UBE3B: variants seen among roughly 807,000 people sequenced by gnomAD.
UBE3B encodes the protein ubiquitin-protein ligase E3B.
UBE3B carries 80 observed loss-of-function variants against 132.3 expected under a neutral mutation model. That is an observed-to-expected ratio of 0.60 (90% confidence interval 0.50 to 0.73). The LOEUF (loss-of-function observed/expected upper bound fraction) is 0.73, where lower values mean the gene tolerates loss of function less well. Among genes scored for constraint, UBE3B ranks in the 30% least tolerant of loss-of-function variants. UBE3B has a pLI of 0.00. For synonymous variants in UBE3B, 487 were observed against 520.4 expected (o/e 0.94, Z 0.87); for missense variants, 1,196 against 1,362.5 (o/e 0.88, Z 1.92).
In UBE3B at chr12:109,530,077, GA is replaced by G; in HGVS notation, c.2810+6del. 2 of 1,612,696 alleles carry G rather than the reference GA, an allele frequency of 1.2e-6. 1 individual carries two copies. Among genetic ancestry groups the G allele is most frequent in the Non-Finnish European group, 1.7e-6 (2 of 1,178,920 alleles). ...GATTGATCTGGAAGATTTAAAGTAA[GA>G]GGCGGGTGGGGGGAAGGGTGAAATT... On this transcript the variant is annotated splice_donor_region_variant and intron_variant, in intron 25 of 27. Coordinates refer to ENST00000342494, the MANE Select transcript of UBE3B (RefSeq NM_130466.4).
intron 9 of UBE3B, among the ~76,000 whole-genome samples, chr12:109,496,143 C>T (rs1345119281): frequency 6.6e-6 from 1 of 152,250 alleles, no homozygotes; most frequent in Non-Finnish European, 1.5e-5. Context: ...TTGTGGACAT[C>T]TCACATAAAT....
chr12:109,505,673 C>G (rs568759308), intron 14 of UBE3B, among the ~76,000 whole-genome samples: 2 of 152,256 alleles, frequency 1.3e-5, no homozygotes, highest in Non-Finnish European at 2.9e-5. Flanking sequence ...TCTTTATAAC[C>G]ACATCCTCCT....
At chr12:109,517,233 C>G (rs1881178439) in intron 19 of UBE3B, among the ~76,000 whole-genome samples, 1 of 152,188 alleles carries the variant, frequency 6.6e-6, no homozygotes, top group East Asian at 1.9e-4. Flanking sequence ...CTCCATTTGT[C>G]CCAGCAGGCA....
At chr12:109,506,598 G>A (rs865870106) in intron 14 of UBE3B, among the ~76,000 whole-genome samples, 11 of 152,262 alleles carry the variant, frequency 7.2e-5, no homozygotes, top group African/African-American at 1.9e-4. Context: ...TGATCCACCC[G>A]CCTCAGCCTC....
intron 14 of UBE3B, among the ~76,000 whole-genome samples, chr12:109,503,488 A>G (rs1879258920): frequency 2.7e-5 from 4 of 150,430 alleles, no homozygotes. Context: ...TAGGGTTGCA[A>G]AAAAAAAAGG....
the UBE3B span, among the ~76,000 whole-genome samples, chr12:109,542,460 C>T: frequency 1.3e-5 from 2 of 152,184 alleles, no homozygotes; most frequent in South Asian, 2.1e-4. Context: ...CTATTAATCC[C>T]GTCCTCAAGA....
intron 9 of UBE3B, among the ~76,000 whole-genome samples, chr12:109,493,031 A>T (rs969270796): frequency 3.9e-5 from 6 of 152,190 alleles, no homozygotes; most frequent in African/African-American, 1.4e-4. Context: ...CACACAGAAG[A>T]ACAGGATGTA....
the UBE3B span, among the ~76,000 whole-genome samples, chr12:109,547,225 A>G: frequency 6.6e-6 from 1 of 152,236 alleles, no homozygotes; most frequent in Non-Finnish European, 1.5e-5. The surrounding 1 kb of genome is among the most constrained non-coding windows in gnomAD (Gnocchi z 4.1). Context: ...GGCAGTGATC[A>G]GGATTCAGAT....
rs1307047650 is a variant in UBE3B at position 109,483,718 on chromosome 12, G to A, written c.161+6G>A. 1 of 1,594,124 alleles carries A rather than the reference G, an allele frequency of 6.3e-7. No homozygotes were observed. The highest frequency in any genetic ancestry group is 8.5e-7 in the Non-Finnish European group (1 of 1,171,246). ...CGACTGCAGAGAGATATCAGGTAAGGGCTAGGATCTCCCTAGCACATGATT... is the reference window on the plus strand; with the variant it reads ...CGACTGCAGAGAGATATCAGGTAAGAGCTAGGATCTCCCTAGCACATGATT... On this transcript the variant is annotated splice_donor_region_variant and intron_variant, in intron 3 of 27. Coordinates refer to ENST00000342494, the MANE Select transcript of UBE3B (RefSeq NM_130466.4).
intron 5 of UBE3B, 65 bp downstream of exon 5, chr12:109,486,136 A>C: frequency 6.6e-7 from 1 of 1,509,294 alleles, no homozygotes; most frequent in Non-Finnish European, 8.9e-7. Context: ...GGGCTCTGAA[A>C]GTTCCTGTTG....
chr12:109,503,052 G>A lies in UBE3B; in HGVS notation c.1312G>A (p.Ala438Thr), dbSNP rs1438649548. 2 of 1,614,120 alleles carry A rather than the reference G, an allele frequency of 1.2e-6. No individual in the cohort carries two copies. Among genetic ancestry groups the A allele is most frequent in the Non-Finnish European group, 1.7e-6 (2 of 1,180,036 alleles). Residue 438 changes from alanine to threonine, a missense_variant, in exon 14 of 28, where the codon GCA becomes ACA. By Grantham distance (58) the Ala-to-Thr change is moderately conservative. Coordinates refer to ENST00000342494, the MANE Select transcript of UBE3B (RefSeq NM_130466.4). ...CCTAAAGCGTGCTTTTCAAAAGTCG[G>A]CATCAGTCCGGAATATTCTCAGGCC... ...SLLKRAFQKSASVRNILRPVG... is the reference protein window; with the variant it reads ...SLLKRAFQKSTSVRNILRPVG...
rs566412653 is a variant in UBE3B, at chr12:109,532,682, C to T, written c.2923-784C>T. ...CGAGCTAGCACATTTGCAGGAATAA[C>T]GCAGGGGCTGCCGCTTGGAGAACGC... is the stretch of plus-strand genomic sequence containing the variant. On this transcript the variant is annotated intron_variant, in intron 26 of 27. Coordinates refer to ENST00000342494, the MANE Select transcript of UBE3B (RefSeq NM_130466.4). Among the ~76,000 whole-genome samples the T allele has an allele frequency of 9.8e-5, 15 of 152,332 alleles. No individual in the cohort carries two copies. The East Asian group carries it at 2.3e-3, about 24-fold the overall frequency.
At chr12:109,484,514 C>T (rs1876048839) in intron 4 of UBE3B, among the ~76,000 whole-genome samples, 1 of 152,074 alleles carries the variant, frequency 6.6e-6, no homozygotes, top group Admixed American at 6.5e-5. Flanking sequence ...GCCTCAGCCT[C>T]CCTAGTATCT....
chr12:109,510,481 G>T lies in UBE3B; in HGVS notation c.1856+23G>T, dbSNP rs769137229. 7.6e-6 allele frequency: 12 copies of T among 1,587,746 alleles called. No homozygotes were observed. In the South Asian group the frequency reaches 1.2e-4, roughly 16 times the overall value. Reference sequence around the variant, plus strand: ...AAAGTGAGCTCCAGGGGTGAGGAGGGCTCCATGGAAGCCAGCCTGCTCCGG... The same window carrying T: ...AAAGTGAGCTCCAGGGGTGAGGAGGTCTCCATGGAAGCCAGCCTGCTCCGG... On this transcript the variant is annotated intron_variant, in intron 17 of 27. Transcript: ENST00000342494.
chr12:109,531,066 T>C (rs1470538785), intron 26 of UBE3B, among the ~76,000 whole-genome samples: 1 of 152,156 alleles, frequency 6.6e-6, no homozygotes, highest in East Asian at 1.9e-4. Context: ...GTTCCTCCAG[T>C]ATGGAATTGT....
At chr12:109,493,768 A>G (rs1482511152) in intron 9 of UBE3B, among the ~76,000 whole-genome samples, 1 of 152,188 alleles carries the variant, frequency 6.6e-6, no homozygotes, top group Non-Finnish European at 1.5e-5. Flanking sequence ...TGGGCCACAC[A>G]TTGTTCTAAA....
Position 109,490,005 on chromosome 12 carries a change from G to T in UBE3B, c.630+1G>T, listed in dbSNP as rs2135832115. 6.2e-7 allele frequency: 1 copy of T among 1,614,086 alleles called. No individual in the cohort carries two copies. The highest frequency in any genetic ancestry group is 1.6e-4 in the Middle Eastern group (1 of 6,062). On this transcript the variant is annotated splice_donor_variant, in intron 8 of 27. Transcript: ENST00000342494. LOFTEE classifies it high-confidence loss of function. ...GCATGGATTTTATTCTGTGCTGCAG[G>T]TCTGTGACTCCTGCCCCCCAGTGTG...
At chr12:109,544,365 C>T in the UBE3B span, among the ~76,000 whole-genome samples, 1 of 134,546 alleles carries the variant, frequency 7.4e-6, no homozygotes, top group Admixed American at 8.3e-5. Flanking sequence ...GGGCCTGAGA[C>T]ATCTTGTGAA....
intron 19 of UBE3B, among the ~76,000 whole-genome samples, chr12:109,518,965 A>G (rs1881382767): frequency 6.6e-6 from 1 of 152,184 alleles, no homozygotes; most frequent in South Asian, 2.1e-4. Flanking sequence ...AGCTGATCTC[A>G]GACTCATGCT....
Sources: allele counts gnomAD v4.1 joint callset (sites outside exome capture counted in the v4.1 genomes callset), GRCh38; gene constraint gnomAD v4.1.1; non-coding constraint Gnocchi (gnomAD v3.1); transcripts MANE v1.5; gene names NCBI Gene and HGNC (gene_info 2026-07-23, HGNC 2026-07-21).